The following NLGN4X variants were observed in gnomAD, a reference collection of about 807,000 sequenced individuals.
NLGN4X encodes neuroligin 4 X-linked.
In NLGN4X, 3 loss-of-function variants were observed where a neutral mutation model predicts 40.3. The ratio of observed to expected loss-of-function variants is 0.07; its 90% CI spans 0.03 to 0.19. The LOEUF is 0.19. Ranked by LOEUF, NLGN4X falls within the 10% of genes least tolerant of loss-of-function variation. The pLI is 1.00. For synonymous variants in NLGN4X, 270 were observed against 306.8 expected, an observed-to-expected ratio of 0.88 and a Z score of 1.25; for missense variants, 382 against 708.3, an observed-to-expected ratio of 0.54 and a Z score of 5.23.
At position 5,892,454 on chromosome X, in the gene NLGN4X, T is replaced by C. The variant is rs1219516138; in HGVS notation, c.*363A>G. On this transcript the variant is annotated 3_prime_UTR_variant, in exon 6 of 6. Coordinates refer to ENST00000381095, the MANE Select transcript of NLGN4X (RefSeq NM_181332.3). ...AAAATATCAAGTGTCCTTGGCTGAG[T>C]TTCAGAAGTGTCAGCTGCTTCCATG... is the stretch of plus-strand genomic sequence containing the variant. 4.3e-6 allele frequency: 1 copy of C among 231,885 alleles called. No homozygotes were observed. Among genetic ancestry groups the C allele is most frequent in the East Asian group, 1.0e-4 (1 of 9,654 alleles). The allele number at this position is 231,885 out of a possible 1,213,427, so 19.1% of individuals were successfully genotyped here.
intron 3 of NLGN4X, among the ~76,000 whole-genome samples, chrX:5,955,182 T>C (rs1325634394): frequency 9.0e-6 from 1 of 111,705 alleles, no homozygotes; most frequent in African/African-American, 3.3e-5. Flanking sequence ...AAGCCAAAAA[T>C]ATCCGGATGG....
intron 3 of NLGN4X, among the ~76,000 whole-genome samples, chrX:6,017,652 T>C (rs1275002580): frequency 6.3e-5 from 7 of 112,000 alleles, no homozygotes; most frequent in Admixed American, 2.9e-4. Context: ...GATACAAAAA[T>C]GATATTCAGT....
At chrX:6,028,206 T>C (rs2036760030) in intron 3 of NLGN4X, among the ~76,000 whole-genome samples, 1 of 112,039 alleles carries the variant, frequency 8.9e-6, no homozygotes, top group East Asian at 2.8e-4. Context: ...AAAAACTTTA[T>C]CTTCTATACC....
At chrX:6,063,492 C>G (rs1430762184) in intron 2 of NLGN4X, among the ~76,000 whole-genome samples, 2 of 111,290 alleles carry the variant, frequency 1.8e-5, no homozygotes, top group African/African-American at 6.5e-5. Context: ...TTAAATAAAA[C>G]CTAATTTATT....
chrX:5,967,245 C>T (rs1421788188), intron 3 of NLGN4X, among the ~76,000 whole-genome samples: 1 of 111,941 alleles, frequency 8.9e-6, no homozygotes, highest in Non-Finnish European at 1.9e-5. Context: ...AATGTTCACA[C>T]CAAAATTTAC....
At chrX:5,911,633 T>C (rs55740016) in intron 3 of NLGN4X, among the ~76,000 whole-genome samples, 1,561 of 112,265 alleles carry the variant, frequency 0.014, 20 homozygotes, top group African/African-American at 0.048. Flanking sequence ...CCAGGGATTA[T>C]TATTTTTTTC....
intron 3 of NLGN4X, among the ~76,000 whole-genome samples, chrX:5,920,155 G>A (rs897246081): frequency 8.9e-6 from 1 of 112,099 alleles, no homozygotes; most frequent in Admixed American, 9.5e-5. Context: ...AAACATTCCT[G>A]AAAAGAATTA....
chrX:6,040,443 T>G (rs1271339538), intron 2 of NLGN4X, among the ~76,000 whole-genome samples: 1 of 91,891 alleles, frequency 1.1e-5, no homozygotes, highest in Non-Finnish European at 2.1e-5. Context: ...GTATTATAAT[T>G]TATCACTATT....
chrX:5,994,783 G>A (rs1314719748), intron 3 of NLGN4X, among the ~76,000 whole-genome samples: 3 of 111,929 alleles, frequency 2.7e-5, no homozygotes, highest in African/African-American at 6.5e-5. Context: ...GCAGAAGTTC[G>A]GCAGAAGGAT....
At chrX:6,221,396 T>C (rs1321836992) in intron 1 of NLGN4X, among the ~76,000 whole-genome samples, 2 of 26,078 alleles carry the variant, frequency 7.7e-5, no homozygotes, top group African/African-American at 1.7e-4. Context: ...TTATATTATA[T>C]ATATATATAT....
chrX:6,075,578 G>A (rs2038175045), intron 2 of NLGN4X, among the ~76,000 whole-genome samples: 1 of 111,575 alleles, frequency 9.0e-6, no homozygotes, highest in Non-Finnish European at 1.9e-5. Flanking sequence ...CTAGTGGGAG[G>A]TGTTTGAGTC....
intron 3 of NLGN4X, among the ~76,000 whole-genome samples, chrX:6,027,388 T>C (rs935930844): frequency 1.8e-5 from 2 of 112,168 alleles, no homozygotes; most frequent in African/African-American, 6.5e-5. Context: ...ACAAAAAATA[T>C]AGGAAATAAA....
chrX:6,032,685 A>G (rs1171765581), intron 2 of NLGN4X: 1 of 1,180,172 alleles, frequency 8.5e-7, no homozygotes, highest in Admixed American at 2.2e-5. Context: ...AAAAAACAAA[A>G]AATACCTTCG....
At chrX:6,029,630 T>C (rs956756417) in intron 2 of NLGN4X, among the ~76,000 whole-genome samples, 198 bp from the exon 3 acceptor site, 12 of 111,691 alleles carry the variant, frequency 1.1e-4, no homozygotes, top group Admixed American at 5.7e-4. Flanking sequence ...TTTATGGAAA[T>C]GGTATTTTAA....
chrX:6,120,971 T>G (rs956621618), intron 2 of NLGN4X, among the ~76,000 whole-genome samples: 7 of 112,037 alleles, frequency 6.2e-5, no homozygotes, highest in Non-Finnish European at 1.3e-4. Context: ...CAGCACTTAG[T>G]CAACAAGTCA....
chrX:5,907,237 G>A (rs1001470385), intron 4 of NLGN4X, among the ~76,000 whole-genome samples: 1 of 112,054 alleles, frequency 8.9e-6, no homozygotes, highest in African/African-American at 3.2e-5. Flanking sequence ...AGGCAACCCA[G>A]GGCTGGATCT....
At chrX:6,070,997 G>A (rs1266248969) in intron 2 of NLGN4X, among the ~76,000 whole-genome samples, 1 of 111,485 alleles carries the variant, frequency 9.0e-6, no homozygotes, top group Non-Finnish European at 1.9e-5. Flanking sequence ...GGGATAAAAA[G>A]CCAAACCAAA....
chrX:6,132,738 C>T (rs2039708030), intron 2 of NLGN4X, among the ~76,000 whole-genome samples: 1 of 111,655 alleles, frequency 9.0e-6, no homozygotes, highest in African/African-American at 3.3e-5. Context: ...ACTTATCCCT[C>T]CTTTATTCAT....
At chrX:5,956,812 C>T (rs1247667951) in intron 3 of NLGN4X, among the ~76,000 whole-genome samples, 1 of 112,115 alleles carries the variant, frequency 8.9e-6, no homozygotes, top group African/African-American at 3.2e-5. Context: ...CAAAATGTAT[C>T]CTGATCTGTT....
Sources: gnomAD v4.1 joint callset for allele counts (sites outside exome capture counted in the v4.1 genomes callset) on GRCh38, gnomAD v4.1.1 for gene constraint, MANE v1.5 for transcripts, NCBI Gene and HGNC (gene_info 2026-07-23, HGNC 2026-07-21) for gene names.